The following CADPS variants were observed in gnomAD, a reference collection of about 807,000 sequenced individuals.
CADPS encodes the protein calcium-dependent secretion activator 1.
A neutral mutation model predicts 167.3 loss-of-function variants in CADPS; 57 were observed. The ratio of observed to expected loss-of-function variants is 0.34; its 90% confidence interval spans 0.28 to 0.42. CADPS has a LOEUF of 0.42. Ranked by LOEUF, CADPS falls within the 20% of genes least tolerant of loss-of-function variation. The pLI is 1.00. For missense variants in CADPS, 1,414 were observed against 1,738.1 expected, an observed-to-expected ratio of 0.81 and a Z score of 3.32; for synonymous variants, 676 against 635.3, an observed-to-expected ratio of 1.06 and a Z score of -0.96.
At chr3:62,495,242 G>A (rs75023641) in intron 18 of CADPS, among the ~76,000 whole-genome samples, 144 of 152,250 alleles carry the variant, frequency 9.5e-4, no homozygotes, top group African/African-American at 2.8e-3. Context: ...GAGGACCAGA[G>A]CTATTTTTGT....
At chr3:62,567,348 C>CT (rs1457154635) in intron 9 of CADPS, among the ~76,000 whole-genome samples, 1 of 151,986 alleles carries the variant, frequency 6.6e-6, no homozygotes, top group African/African-American at 2.4e-5. Flanking sequence ...CTTCCTTTTT[C>CT]TTTTCTTTGC....
intron 28 of CADPS, among the ~76,000 whole-genome samples, chr3:62,411,463 A>G (rs1237042590): frequency 6.6e-6 from 1 of 152,124 alleles, no homozygotes; most frequent in African/African-American, 2.4e-5. Flanking sequence ...AACCCCTACA[A>G]CCTATTTCAA....
intron 1 of CADPS, among the ~76,000 whole-genome samples, chr3:62,803,368 T>C (rs2093896274): frequency 6.8e-6 from 1 of 147,542 alleles, no homozygotes; most frequent in Non-Finnish European, 1.5e-5. Context: ...GCAGGGATTC[T>C]CAACCAGAGA....
chr3:62,464,990 G>T (rs1184957231), intron 26 of CADPS, among the ~76,000 whole-genome samples: 1 of 152,140 alleles, frequency 6.6e-6, no homozygotes, highest in African/African-American at 2.4e-5. Flanking sequence ...ACTGAGTGCA[G>T]GTCTTCATTT....
At chr3:62,687,323 G>T (rs548795037) in intron 3 of CADPS, among the ~76,000 whole-genome samples, 1 of 152,046 alleles carries the variant, frequency 6.6e-6, no homozygotes, top group African/African-American at 2.4e-5. Flanking sequence ...GTAAGTTCAC[G>T]ATGACCACCT....
At chr3:62,792,882 G>C (rs1331419913) in intron 1 of CADPS, among the ~76,000 whole-genome samples, 4 of 152,140 alleles carry the variant, frequency 2.6e-5, no homozygotes, top group Non-Finnish European at 2.9e-5. Flanking sequence ...ACAGGCATAA[G>C]TCACTGCACA....
At position 62,476,311 on chromosome 3, in the gene CADPS, A is replaced by G. The variant is rs564766915; in HGVS notation, c.3329+1950T>C. Among the ~76,000 whole-genome samples the G allele has an allele frequency of 9.2e-5, 14 of 152,316 alleles. No individual in the cohort carries two copies. In the East Asian group the frequency reaches 2.7e-3, roughly 29 times the overall value. ...TCTAGGCTCTTCTAATGTAGATTCT[A>G]TGTATTAAAACATTCAAAAACTCGT... is the stretch of plus-strand genomic sequence containing the variant. On this transcript the variant is annotated intron_variant, in intron 23 of 29. Transcript: ENST00000383710.
intron 3 of CADPS, among the ~76,000 whole-genome samples, chr3:62,702,141 C>T (rs754453765): frequency 6.6e-6 from 1 of 152,122 alleles, no homozygotes; most frequent in South Asian, 2.1e-4. Context: ...AATACTGAAG[C>T]CCTCAAAATC....
At chr3:62,841,283 C>A (rs1334802484) in intron 1 of CADPS, among the ~76,000 whole-genome samples, 2 of 152,184 alleles carry the variant, frequency 1.3e-5, no homozygotes, top group Non-Finnish European at 1.5e-5. Context: ...GTCAGATTCT[C>A]ACTGTATATT....
At chr3:62,587,078 C>T (rs1455057811) in intron 7 of CADPS, among the ~76,000 whole-genome samples, 1 of 152,176 alleles carries the variant, frequency 6.6e-6, no homozygotes, top group Non-Finnish European at 1.5e-5. Flanking sequence ...TTGTTTTTAT[C>T]TCATGATATG....
rs141740934 is a variant in CADPS, at chr3:62,590,652, G to GA, written c.1437+1984dup. 7.9e-3 allele frequency among the ~76,000 whole-genome samples: 1,199 copies of GA among 151,884 alleles called. 15 individuals are homozygous for GA. Among genetic ancestry groups the GA allele is most frequent in the African/African-American group, 0.028 (1,150 of 41,460 alleles). On this transcript the variant is annotated intron_variant, in intron 7 of 29. Coordinates refer to ENST00000383710, the MANE Select transcript of CADPS (RefSeq NM_003716.4). ...TGGAAAAATGGGTGAAAGAAAGGAA[G>GA]AAAAAAAGGAAGCACAGGAGATGAA...
chr3:62,491,584 C>CACAG, intron 20 of CADPS, 104 bp from the exon 21 acceptor site: 3 of 941,684 alleles, frequency 3.2e-6, no homozygotes, highest in East Asian at 2.6e-5. Context: ...CACACACACA[C>CACAG]AGATGATTGA....
intron 1 of CADPS, among the ~76,000 whole-genome samples, chr3:62,809,875 C>T (rs2094312056): frequency 6.6e-6 from 1 of 152,066 alleles, no homozygotes; most frequent in Non-Finnish European, 1.5e-5. Flanking sequence ...AGACTCTCAC[C>T]CCCATCATTC....
chr3:62,630,512 C>CT (rs1000999031), intron 6 of CADPS, among the ~76,000 whole-genome samples: 22 of 151,158 alleles, frequency 1.5e-4, no homozygotes, highest in East Asian at 1.2e-3. Context: ...CCACACCCAG[C>CT]TTTTTTTTTA....
intron 7 of CADPS, among the ~76,000 whole-genome samples, chr3:62,588,006 C>T (rs755482481): frequency 5.3e-5 from 8 of 152,176 alleles, no homozygotes; most frequent in Non-Finnish European, 8.8e-5. Flanking sequence ...GTCAATTCAG[C>T]CGAGGACCAT....
rs562754382 is a variant in CADPS, at chr3:62,790,464, A to C, written c.442-24480T>G. On this transcript the variant is annotated intron_variant, in intron 1 of 29. Coordinates refer to ENST00000383710, the MANE Select transcript of CADPS (RefSeq NM_003716.4). Reference sequence around the variant, plus strand: ...TTCTGAATCTAATGTCTCCATATATATTTTGAAAGAGTATAAGAAATGGAA... The same window carrying C: ...TTCTGAATCTAATGTCTCCATATATCTTTTGAAAGAGTATAAGAAATGGAA... 2.0e-5 allele frequency among the ~76,000 whole-genome samples: 3 copies of C among 152,286 alleles called. No individual in the cohort carries two copies. In the South Asian group the frequency reaches 6.2e-4, roughly 32 times the overall value.
intron 6 of CADPS, among the ~76,000 whole-genome samples, chr3:62,632,168 A>G (rs1156849943): frequency 6.6e-6 from 1 of 152,220 alleles, no homozygotes. Context: ...TATCATATGC[A>G]TATATCTCTG....
chr3:62,812,647 G>T (rs555830948), intron 1 of CADPS, among the ~76,000 whole-genome samples: 14 of 152,246 alleles, frequency 9.2e-5, no homozygotes, highest in African/African-American at 3.4e-4. Flanking sequence ...CAGGCATTAT[G>T]CAAGTCACTC....
At chr3:62,660,338 A>T (rs1216456719) in intron 4 of CADPS, among the ~76,000 whole-genome samples, 1 of 152,188 alleles carries the variant, frequency 6.6e-6, no homozygotes, top group African/African-American at 2.4e-5. Context: ...TGGATAATCC[A>T]CCAGTAGGAA....
Sources: allele counts gnomAD v4.1 joint callset (sites outside exome capture counted in the v4.1 genomes callset), GRCh38; gene constraint gnomAD v4.1.1; transcripts MANE v1.5; gene names NCBI Gene and HGNC (gene_info 2026-07-23, HGNC 2026-07-21).